The following ASAP2 variants were observed in gnomAD, a reference collection of about 807,000 sequenced individuals.
The protein encoded by ASAP2 is ArfGAP with SH3 domain, ankyrin repeat and PH domain 2, also known as arf-GAP with SH3 domain, ANK repeat and PH domain-containing protein 2.
Under a neutral mutation model 131.4 loss-of-function variants are expected in ASAP2, and 45 were observed. The ratio of observed to expected loss-of-function variants is 0.34; its 90% CI spans 0.27 to 0.44. ASAP2 has a LOEUF of 0.44. ASAP2 is among the 20% of genes least tolerant of loss of function. The pLI, the probability that ASAP2 is intolerant of heterozygous loss-of-function variation, is 1.00. For missense variants in ASAP2, 1,011 were observed against 1,297.0 expected, an observed-to-expected ratio of 0.78 and a Z score of 3.39; for synonymous variants, 510 against 503.0, an observed-to-expected ratio of 1.01 and a Z score of -0.19.
chr2:9,380,750 C>T lies in ASAP2; in HGVS notation c.1958C>T (p.Ser653Leu). The stretch of plus-strand genomic sequence containing the variant: ...CGCCCTTGAATTTTAGCAAACGAGT[C>T]AGGAGAGACTCCGCTGGACATTGCC... ...GKASIEIANESGETPLDIAKR... is the reference protein window; with the variant it reads ...GKASIEIANELGETPLDIAKR... Residue 653 changes from serine to leucine, a missense_variant, in exon 20 of 28, where the codon TCA becomes TTA. Transcript: ENST00000281419. The T allele has an allele frequency of 6.2e-7, 1 of 1,614,158 alleles. No homozygotes were observed. The highest frequency in any genetic ancestry group is 8.5e-7 in the Non-Finnish European group (1 of 1,180,030).
intron 9 of ASAP2, among the ~76,000 whole-genome samples, chr2:9,339,501 A>C (rs1285835065): frequency 6.6e-6 from 1 of 151,950 alleles, no homozygotes; most frequent in East Asian, 1.9e-4. Context: ...ATAATAGTAA[A>C]ATTATTTATT....
intron 15 of ASAP2, among the ~76,000 whole-genome samples, chr2:9,364,418 A>G (rs968669219): frequency 6.6e-6 from 1 of 151,982 alleles, no homozygotes; most frequent in African/African-American, 2.4e-5. Context: ...GAGGTGGGAG[A>G]ATCACCTGAG....
At chr2:9,222,162 T>C (rs553922051) in intron 1 of ASAP2, among the ~76,000 whole-genome samples, 6 of 152,350 alleles carry the variant, frequency 3.9e-5, no homozygotes, top group East Asian at 1.9e-4. Flanking sequence ...ACAGAATAGG[T>C]GCTCAGTAAC....
At chr2:9,294,501 A>C (rs1306505618) in intron 2 of ASAP2, among the ~76,000 whole-genome samples, 1 of 152,152 alleles carries the variant, frequency 6.6e-6, no homozygotes, top group Non-Finnish European at 1.5e-5. Context: ...CATAAAGTGC[A>C]CCGATCCTCC....
At position 9,207,051 on chromosome 2, in the gene ASAP2, A is replaced by C. The variant is rs1661156755; in HGVS notation, c.-54A>C. The C allele has an allele frequency of 7.2e-7, 1 of 1,395,364 alleles. No homozygotes were observed. Among genetic ancestry groups the C allele is most frequent in the African/African-American group, 1.5e-5 (1 of 66,762 alleles). The allele number at this position is 1,395,364 out of a possible 1,614,324, so 86.4% of individuals were successfully genotyped here. A position where few individuals can be genotyped will look rare whatever the true frequency, so the allele number is the denominator to read the frequency against. ...AGCGGCGGTCGGAGCCTGCTGCGGC[A>C]GTTGAGGCGGCGGCGCCCCTGCGGC... On this transcript the variant is annotated 5_prime_UTR_variant, in exon 1 of 28. Coordinates refer to ENST00000281419, the MANE Select transcript of ASAP2 (RefSeq NM_003887.3). This position sits in a 1 kb window ranked among gnomAD's most constrained non-coding sequence, Gnocchi z 4.1.
chr2:9,380,194 G>A (rs1295888749), intron 19 of ASAP2, among the ~76,000 whole-genome samples: 1 of 151,860 alleles, frequency 6.6e-6, no homozygotes, highest in African/African-American at 2.4e-5. Context: ...TTTTGTTTTT[G>A]TTTTTGTTTT....
At chr2:9,332,682 C>T (rs900903327) in intron 7 of ASAP2, among the ~76,000 whole-genome samples, 1 of 152,186 alleles carries the variant, frequency 6.6e-6, no homozygotes, top group African/African-American at 2.4e-5. Context: ...TGCTCCCTCT[C>T]CCTGGGTGGT....
At chr2:9,288,766 G>C (rs1200368050) in intron 2 of ASAP2, among the ~76,000 whole-genome samples, 1 of 152,070 alleles carries the variant, frequency 6.6e-6, no homozygotes, top group Non-Finnish European at 1.5e-5. Flanking sequence ...CTAAAGGAGA[G>C]CCCTGCAAGT....
chr2:9,226,590 G>A (rs1174332345), intron 1 of ASAP2, among the ~76,000 whole-genome samples: 1 of 152,198 alleles, frequency 6.6e-6, no homozygotes, highest in Non-Finnish European at 1.5e-5. Context: ...CCTCACTGAG[G>A]TTGTCCTGCT....
At chr2:9,385,189 C>A (rs983984631) in intron 20 of ASAP2, 56 bp from the exon 21 acceptor site, 3 of 1,364,336 alleles carry the variant, frequency 2.2e-6, no homozygotes, top group African/African-American at 1.4e-5. Flanking sequence ...TCAGTGGGTC[C>A]AGATGCATGG....
In ASAP2 at chr2:9,257,961, G is replaced by T. The variant is rs538407933; in HGVS notation, c.127-21356G>T. Among the ~76,000 whole-genome samples the T allele has an allele frequency of 2.6e-5, 4 of 152,256 alleles. No individual in the cohort carries two copies. The East Asian group carries it at 5.8e-4, about 22-fold the overall frequency. ...AATAATATTGCCTGTGTTACCAACT[G>T]CCCAGGTTGGAGAGTCATGTGCCAT... On this transcript the variant is annotated intron_variant, in intron 1 of 27. Transcript: ENST00000281419.
At chr2:9,294,679 G>A (rs1268957769) in intron 2 of ASAP2, among the ~76,000 whole-genome samples, 1 of 152,166 alleles carries the variant, frequency 6.6e-6, no homozygotes, top group Non-Finnish European at 1.5e-5. Flanking sequence ...CTTCCCTTTG[G>A]GTGTTCACTT....
intron 1 of ASAP2, among the ~76,000 whole-genome samples, chr2:9,243,514 A>C (rs1664125957): frequency 6.6e-6 from 1 of 152,268 alleles, no homozygotes; most frequent in African/African-American, 2.4e-5. Context: ...CTGTTAAAAT[A>C]CAACTTTGCT....
chr2:9,322,445 G>A (rs1026136647), intron 5 of ASAP2, among the ~76,000 whole-genome samples: 3 of 152,252 alleles, frequency 2.0e-5, no homozygotes, highest in Admixed American at 1.3e-4. Context: ...AGTGCTTTCT[G>A]TTGGTTTTGT....
chr2:9,212,330 G>A (rs1235370281), intron 1 of ASAP2, among the ~76,000 whole-genome samples: 1 of 152,200 alleles, frequency 6.6e-6, no homozygotes, highest in East Asian at 1.9e-4. Flanking sequence ...GTGCAAGGGT[G>A]CAGGTGGTCC....
chr2:9,316,939 CCTCA>C (rs1283173165), intron 3 of ASAP2, among the ~76,000 whole-genome samples: 2 of 125,666 alleles, frequency 1.6e-5, no homozygotes, highest in Non-Finnish European at 3.4e-5. Flanking sequence ...ACAATCACAC[CCTCA>C]CTCTCACACC....
rs1669290780 is a variant in ASAP2 at position 9,311,417 on chromosome 2, T to G, written c.346-7107T>G. Among the ~76,000 whole-genome samples the G allele has an allele frequency of 6.6e-6, 1 of 152,074 alleles. No homozygotes were observed. Among genetic ancestry groups the G allele is most frequent in the South Asian group, 2.1e-4 (1 of 4,818 alleles). ...TTGGTCCAACGTTAATAGCAGTGATTAAGATTAATAATTTGTATTCAGGTT... is the reference window on the plus strand; with the variant it reads ...TTGGTCCAACGTTAATAGCAGTGATGAAGATTAATAATTTGTATTCAGGTT... On this transcript the variant is annotated intron_variant, in intron 3 of 27. Transcript: ENST00000281419. This position sits in a 1 kb window ranked among gnomAD's most constrained non-coding sequence, Gnocchi z 5.2.
At chr2:9,337,243 G>A (rs1289764514) in intron 9 of ASAP2, among the ~76,000 whole-genome samples, 1 of 152,198 alleles carries the variant, frequency 6.6e-6, no homozygotes, top group African/African-American at 2.4e-5. Flanking sequence ...TTGTGGGCGT[G>A]TTGTGTTTTC....
chr2:9,353,604 T>C (rs1446241401), intron 12 of ASAP2, among the ~76,000 whole-genome samples: 1 of 151,818 alleles, frequency 6.6e-6, no homozygotes. Context: ...TGGAGGCACA[T>C]GCATTGAGGC....
Sources: gnomAD v4.1 joint callset for allele counts (sites outside exome capture counted in the v4.1 genomes callset) on GRCh38, gnomAD v4.1.1 for gene constraint, Gnocchi (gnomAD v3.1) non-coding constraint, MANE v1.5 for transcripts, NCBI Gene and HGNC (gene_info 2026-07-23, HGNC 2026-07-21) for gene names.